Variants in SDK1 observed in about 807,000 individuals in gnomAD.
SDK1 encodes protein sidekick-1.
SDK1 carries 157 observed loss-of-function variants against 245.5 expected under a neutral mutation model. That is an observed-to-expected ratio of 0.64 (90% confidence interval 0.56 to 0.73). The LOEUF (loss-of-function observed/expected upper bound fraction) is 0.73. SDK1 is among the 30% of genes least tolerant of loss of function. The probability of loss-of-function intolerance (pLI) is 0.00; values close to 1 mark genes in which losing one functional copy is unlikely to be tolerated. For synonymous variants in SDK1, 1,647 were observed against 1,278.5 expected (o/e 1.29, Z -6.15); for missense variants, 3,583 against 3,002.3 (o/e 1.19, Z -4.52).
intron 1 of SDK1, among the ~76,000 whole-genome samples, chr7:3,584,440 AAAATGCTGC>A: frequency 6.6e-6 from 1 of 152,270 alleles, no homozygotes; most frequent in South Asian, 2.1e-4. Flanking sequence ...GGACTTGGAT[AAAATGCTGC>A]AAACAGGGTT....
intron 1 of SDK1, among the ~76,000 whole-genome samples, chr7:3,482,551 C>T (rs1781551430): frequency 6.6e-6 from 1 of 152,214 alleles, no homozygotes; most frequent in African/African-American, 2.4e-5. Flanking sequence ...CAAGCCTTAA[C>T]TCACTGGAGT....
intron 5 of SDK1, among the ~76,000 whole-genome samples, chr7:3,911,247 C>T (rs1419814613): frequency 6.6e-6 from 1 of 152,180 alleles, no homozygotes; most frequent in African/African-American, 2.4e-5. Flanking sequence ...AAAACCCATG[C>T]TTCTTTGTCC....
intron 1 of SDK1, among the ~76,000 whole-genome samples, chr7:3,435,164 A>T (rs77893921): frequency 1.4e-5 from 2 of 146,758 alleles, no homozygotes; most frequent in African/African-American, 5.3e-5. Context: ...AAGTCTCTGT[A>T]TTTTTTTTTT....
At chr7:3,348,293 G>A (rs73048645) in intron 1 of SDK1, among the ~76,000 whole-genome samples, 23,025 of 152,090 alleles carry the variant, frequency 0.15, 2,807 homozygotes, top group African/African-American at 0.34. Context: ...CTGGAATAAT[G>A]CTAGTACCTG....
At chr7:3,979,335 C>A (rs1035175156) in intron 13 of SDK1, among the ~76,000 whole-genome samples, 1 of 152,150 alleles carries the variant, frequency 6.6e-6, no homozygotes, top group Admixed American at 6.5e-5. Context: ...AATGCTGTTC[C>A]CCCCTTTCCT....
Position 4,127,440 on chromosome 7 carries a change from C to T in SDK1, c.3883C>T (p.Leu1295=), listed in dbSNP as rs766495062. The T allele has an allele frequency of 8.7e-6, 14 of 1,614,084 alleles. No homozygotes were observed. The East Asian group carries it at 1.8e-4, about 21-fold the overall frequency. The change falls in exon 26 of 45, where the codon CTG becomes TTG. Residue 1295 remains leucine (L), a synonymous_variant. Coordinates refer to ENST00000404826, the MANE Select transcript of SDK1 (RefSeq NM_152744.4). ...AEAVSSTQIL[L]TWTSVPEQDQ... ...GGCTGTCAGCTCGACCCAGATTTTA[C>T]TGACATGGACATCCGTGCCGGAACA... is the stretch of plus-strand genomic sequence containing the variant.
chr7:4,191,218 G>A (rs1318104707), intron 35 of SDK1, among the ~76,000 whole-genome samples: 1 of 151,370 alleles, frequency 6.6e-6, no homozygotes, highest in Non-Finnish European at 1.5e-5. Context: ...CGCAGTCACG[G>A]TGGGTGTCCT....
chr7:3,749,168 G>T (rs1057160718), intron 4 of SDK1, among the ~76,000 whole-genome samples: 1 of 151,994 alleles, frequency 6.6e-6, no homozygotes, highest in East Asian at 1.9e-4. Context: ...AGGGAGTCTC[G>T]CTCTGTCACC....
At chr7:3,437,510 A>G (rs1378438124) in intron 1 of SDK1, among the ~76,000 whole-genome samples, 1 of 152,104 alleles carries the variant, frequency 6.6e-6, no homozygotes, top group African/African-American at 2.4e-5. Context: ...AGTGGCTCAC[A>G]CTTGTAATCT....
intron 4 of SDK1, among the ~76,000 whole-genome samples, chr7:3,819,976 A>G (rs1050527649): frequency 2.0e-5 from 3 of 152,166 alleles, no homozygotes; most frequent in African/African-American, 7.2e-5. Context: ...TGCTGTAACT[A>G]TTCCCTATAG....
chr7:3,763,748 C>T (rs946796072), intron 4 of SDK1, among the ~76,000 whole-genome samples: 1 of 152,094 alleles, frequency 6.6e-6, no homozygotes, highest in African/African-American at 2.4e-5. Context: ...TATTTTATAT[C>T]TCTATCTAGG....
chr7:3,649,062 C>A (rs940666050), intron 4 of SDK1, among the ~76,000 whole-genome samples: 16 of 152,234 alleles, frequency 1.1e-4, no homozygotes, highest in African/African-American at 3.6e-4. Context: ...AGCCACTGTT[C>A]TGCTTGCCAG....
At chr7:3,396,383 T>C (rs1421487259) in intron 1 of SDK1, among the ~76,000 whole-genome samples, 1 of 151,874 alleles carries the variant, frequency 6.6e-6, no homozygotes, top group Non-Finnish European at 1.5e-5. Context: ...TGGAGTGTGC[T>C]TTAGATGTGT....
intron 1 of SDK1, among the ~76,000 whole-genome samples, chr7:3,377,102 T>C (rs1781374110): frequency 6.6e-6 from 1 of 152,204 alleles, no homozygotes; most frequent in African/African-American, 2.4e-5. Flanking sequence ...TTCTGATAAA[T>C]TTTTTCTTTT....
chr7:3,767,169 C>T (rs1047767219), intron 4 of SDK1, among the ~76,000 whole-genome samples: 1 of 152,120 alleles, frequency 6.6e-6, no homozygotes, highest in African/African-American at 2.4e-5. Flanking sequence ...ACTTCACACA[C>T]TGGAGGGCTG....
intron 1 of SDK1, among the ~76,000 whole-genome samples, chr7:3,302,883 C>CA (rs1460682068): frequency 3.3e-5 from 5 of 152,250 alleles, no homozygotes; most frequent in African/African-American, 9.6e-5. Flanking sequence ...AAGATGAGAG[C>CA]ATTAAACTTA....
chr7:4,159,004 T>C (rs1347596048), intron 31 of SDK1, among the ~76,000 whole-genome samples: 4 of 152,156 alleles, frequency 2.6e-5, no homozygotes, highest in African/African-American at 7.2e-5. Flanking sequence ...GGCCTGAAGA[T>C]GGATTGTTAT....
At chr7:3,425,551 A>G (rs1008429671) in intron 1 of SDK1, among the ~76,000 whole-genome samples, 1 of 152,246 alleles carries the variant, frequency 6.6e-6, no homozygotes, top group African/African-American at 2.4e-5. Flanking sequence ...GACCTCGATA[A>G]ATAACTCAGC....
chr7:3,581,292 C>A (rs919964166), intron 1 of SDK1, among the ~76,000 whole-genome samples: 1 of 152,068 alleles, frequency 6.6e-6, no homozygotes, highest in Non-Finnish European at 1.5e-5. Flanking sequence ...TAAATCAGTG[C>A]TATGAACTAA....
Sources: allele counts gnomAD v4.1 joint callset (sites outside exome capture counted in the v4.1 genomes callset), GRCh38; gene constraint gnomAD v4.1.1; transcripts MANE v1.5; gene names NCBI Gene and HGNC (gene_info 2026-07-23, HGNC 2026-07-21).